Variants in RETREG1 observed in about 807,000 individuals in gnomAD.
RETREG1 encodes the protein reticulophagy regulator 1, also known as family with sequence similarity 134 member B.
In RETREG1, 44 loss-of-function variants were observed where a neutral mutation model predicts 54.8. That is an observed-to-expected ratio of 0.80 (90% CI 0.63 to 1.03). The LOEUF is 1.03. Ranked by LOEUF, RETREG1 falls within the 50% of genes least tolerant of loss-of-function variation. RETREG1 has a pLI of 0.00. For missense variants in RETREG1, 554 were observed against 605.1 expected, an observed-to-expected ratio of 0.92 and a Z score of 0.89; for synonymous variants, 217 against 238.5, an observed-to-expected ratio of 0.91 and a Z score of 0.83.
At chr5:16,611,026 A>G (rs1356505643) in intron 1 of RETREG1, among the ~76,000 whole-genome samples, 6 of 152,226 alleles carry the variant, frequency 3.9e-5, no homozygotes, top group Non-Finnish European at 7.3e-5. Flanking sequence ...TCAATGATAG[A>G]CTGGATTAAG....
chr5:16,508,812 G>A (rs1037768097), intron 3 of RETREG1: 74 of 1,444,722 alleles, frequency 5.1e-5, no homozygotes, highest in Middle Eastern at 3.7e-4. Context: ...CTTCCAAAGC[G>A]CCTGCCTCCC....
intron 1 of RETREG1, among the ~76,000 whole-genome samples, chr5:16,608,563 A>G (rs1034529638): frequency 1.3e-5 from 2 of 152,168 alleles, no homozygotes; most frequent in Non-Finnish European, 2.9e-5. Context: ...AGACCATGAC[A>G]TGCAATTTGG....
At position 16,616,212 on chromosome 5, in the gene RETREG1, C is replaced by A. The variant is rs115053342; in HGVS notation, c.320+440G>T. 381 of 168,074 alleles carry A rather than the reference C, an allele frequency of 2.3e-3. 2 individuals are homozygous for A. Among genetic ancestry groups the A allele is most frequent in the African/African-American group, 8.5e-3 (354 of 41,852 alleles). The allele number at this position is 168,074 out of a possible 1,614,324, so 10.4% of individuals were successfully genotyped here. A position where few individuals can be genotyped will look rare whatever the true frequency, so the allele number is the denominator to read the frequency against. On this transcript the variant is annotated intron_variant, in intron 1 of 8. Coordinates refer to ENST00000306320, the MANE Select transcript of RETREG1 (RefSeq NM_001034850.3). ...GCCCATCTCAGGTGACTGATGAATG[C>A]GGCACCGTTTTGAACGGGTACCTAA...
chr5:16,551,025 T>C (rs1042975079), intron 3 of RETREG1, among the ~76,000 whole-genome samples: 1 of 152,226 alleles, frequency 6.6e-6, no homozygotes, highest in African/African-American at 2.4e-5. Flanking sequence ...ACAGTGGTGA[T>C]GGTTGCACCA....
In RETREG1 at chr5:16,597,426, A is replaced by G. The variant is rs1742933443; in HGVS notation, c.320+19226T>C. 6.6e-6 allele frequency among the ~76,000 whole-genome samples: 1 copy of G among 152,214 alleles called. No individual in the cohort carries two copies. The highest frequency in any genetic ancestry group is 2.4e-5 in the African/African-American group (1 of 41,446). ...CTTCATCATTAAATCCAAAAGCATC[A>G]TAAATCTTAACCCCTAACCTTGGTG... On this transcript the variant is annotated intron_variant, in intron 1 of 8. Coordinates refer to ENST00000306320, the MANE Select transcript of RETREG1 (RefSeq NM_001034850.3). The surrounding 1 kb of genome is among the most constrained non-coding windows in gnomAD (Gnocchi z 4.3).
At chr5:16,566,217 A>G (rs1742009407) in intron 2 of RETREG1, among the ~76,000 whole-genome samples, 1 of 152,232 alleles carries the variant, frequency 6.6e-6, no homozygotes, top group South Asian at 2.1e-4. Flanking sequence ...AGCGCCAATA[A>G]TAGAAATGGC....
chr5:16,544,901 T>C (rs546433910), intron 3 of RETREG1, among the ~76,000 whole-genome samples: 1 of 152,210 alleles, frequency 6.6e-6, no homozygotes, highest in African/African-American at 2.4e-5. Flanking sequence ...TTTCTTCCAC[T>C]GGGGCCACAT....
chr5:16,612,065 A>C (rs1347939720), intron 1 of RETREG1, among the ~76,000 whole-genome samples: 8 of 34,900 alleles, frequency 2.3e-4, no homozygotes, highest in African/African-American at 7.8e-4. Context: ...ACTCCGTCTC[A>C]AAAAAAAAAA....
chr5:16,529,498 G>A (rs1038260694), intron 3 of RETREG1, among the ~76,000 whole-genome samples: 57 of 152,292 alleles, frequency 3.7e-4, no homozygotes, highest in African/African-American at 1.3e-3. Flanking sequence ...GGGTCGCCCT[G>A]TCATATAATT....
chr5:16,591,566 AC>A (rs1742775669), intron 1 of RETREG1, among the ~76,000 whole-genome samples: 2 of 152,210 alleles, frequency 1.3e-5, no homozygotes, highest in African/African-American at 4.8e-5. Context: ...CACGCCATTT[AC>A]CAATTCACAT....
intron 3 of RETREG1, among the ~76,000 whole-genome samples, chr5:16,519,358 T>A (rs934798429): frequency 1.3e-5 from 2 of 152,228 alleles, no homozygotes; most frequent in Non-Finnish European, 2.9e-5. Context: ...GGCAGGTCAC[T>A]GACACATGGT....
At chr5:16,582,394 T>A (rs1332114244) in intron 1 of RETREG1, among the ~76,000 whole-genome samples, 1 of 91,248 alleles carries the variant, frequency 1.1e-5, no homozygotes, top group African/African-American at 8.0e-5. Flanking sequence ...ATTTCTCCTA[T>A]TTTTTTTTTC....
At chr5:16,491,232 G>A (rs1302054696) in intron 3 of RETREG1, among the ~76,000 whole-genome samples, 5 of 152,278 alleles carry the variant, frequency 3.3e-5, no homozygotes, top group African/African-American at 1.2e-4. Context: ...GAAAACTGAG[G>A]CTGAAAAGGG....
chr5:16,478,818 T>G, intron 6 of RETREG1, 32 bp downstream of exon 6: 1 of 1,599,608 alleles, frequency 6.3e-7, no homozygotes, highest in Non-Finnish European at 8.6e-7. Flanking sequence ...TCTCATTTCA[T>G]GCATAGAATC....
intron 3 of RETREG1, among the ~76,000 whole-genome samples, chr5:16,556,050 T>C (rs1270928139): frequency 6.6e-6 from 1 of 152,200 alleles, no homozygotes; most frequent in Non-Finnish European, 1.5e-5. Flanking sequence ...CTAATAAACC[T>C]GGGGTTATGA....
chr5:16,549,054 A>G (rs1208171791), intron 3 of RETREG1, among the ~76,000 whole-genome samples: 2 of 152,204 alleles, frequency 1.3e-5, no homozygotes, highest in Non-Finnish European at 2.9e-5. Flanking sequence ...GCCTCACCCT[A>G]TTTCTCAAAA....
intron 3 of RETREG1, among the ~76,000 whole-genome samples, chr5:16,564,763 C>A (rs370275294): frequency 1.3e-5 from 2 of 152,142 alleles, no homozygotes; most frequent in African/African-American, 4.8e-5. Flanking sequence ...CTGCATCCTG[C>A]CCATGAAAAT....
intron 3 of RETREG1, among the ~76,000 whole-genome samples, chr5:16,539,732 C>T (rs532108516): frequency 7.9e-5 from 12 of 152,330 alleles, no homozygotes; most frequent in African/African-American, 2.9e-4. Context: ...TGTCAGGAGA[C>T]GCTGTCATCA....
At chr5:16,613,370 T>C (rs1442229726) in intron 1 of RETREG1, among the ~76,000 whole-genome samples, 1 of 152,204 alleles carries the variant, frequency 6.6e-6, no homozygotes, top group Non-Finnish European at 1.5e-5. Context: ...CCACTGAGGT[T>C]TAAGCATGAT....
Sources: gnomAD v4.1 joint callset for allele counts (sites outside exome capture counted in the v4.1 genomes callset) on GRCh38, gnomAD v4.1.1 for gene constraint, Gnocchi (gnomAD v3.1) non-coding constraint, MANE v1.5 for transcripts, NCBI Gene and HGNC (gene_info 2026-07-23, HGNC 2026-07-21) for gene names.